The following EFCAB13 variants were observed in gnomAD, a reference collection of about 807,000 sequenced individuals.
EFCAB13 encodes EF-hand calcium-binding domain-containing protein 13.
EFCAB13 carries 91 observed loss-of-function variants against 110.2 expected under a neutral mutation model. The observed-to-expected ratio is 0.83, with a 90% CI of 0.70 to 0.98. The LOEUF is 0.98. EFCAB13 is among the 50% of genes least tolerant of loss of function. The pLI is 0.00. For synonymous variants in EFCAB13, 323 were observed against 369.9 expected (o/e 0.87, Z 1.45); for missense variants, 968 against 1,119.4 (o/e 0.86, Z 1.93).
At chr17:47,351,302 T>TGTGTGTGTGTGTGTGTGTGTGTGTGTGC (rs1555578752) in intron 9 of EFCAB13, among the ~76,000 whole-genome samples, 1 of 101,580 alleles carries the variant, frequency 9.8e-6, no homozygotes, top group Non-Finnish European at 2.4e-5. Flanking sequence ...TGTGTGTGTG[T>TGTGTGTGTGTGTGTGTGTGTGTGTGTGC]GTGCGCGCGC....
chr17:47,393,251 A>G (rs2065717941), intron 15 of EFCAB13, among the ~76,000 whole-genome samples: 1 of 152,196 alleles, frequency 6.6e-6, no homozygotes, highest in South Asian at 2.1e-4. Context: ...GGGAAAAAGT[A>G]AGAAATATGT....
chr17:47,436,618 C>T (rs1472564529), intron 24 of EFCAB13, among the ~76,000 whole-genome samples: 1 of 152,020 alleles, frequency 6.6e-6, no homozygotes, highest in African/African-American at 2.4e-5. Flanking sequence ...GTTGTAATAT[C>T]TCCTGTTTTG....
chr17:47,401,020 T>A (rs961869086), intron 17 of EFCAB13, among the ~76,000 whole-genome samples: 5 of 152,316 alleles, frequency 3.3e-5, no homozygotes, highest in African/African-American at 1.2e-4. Flanking sequence ...CTACCGTTTC[T>A]CCCATCAGAG....
At chr17:47,350,082 C>G (rs2065441145) in intron 9 of EFCAB13, among the ~76,000 whole-genome samples, 1 of 152,014 alleles carries the variant, frequency 6.6e-6, no homozygotes, top group Non-Finnish European at 1.5e-5. Flanking sequence ...CCTGATGTTT[C>G]TTATTTGGTC....
chr17:47,410,234 G>A (rs1412694522), intron 21 of EFCAB13, among the ~76,000 whole-genome samples: 1 of 152,174 alleles, frequency 6.6e-6, no homozygotes. Context: ...GAAGGCAGAA[G>A]GGCAAGAAAG....
chr17:47,393,640 T>C (rs1462353280), intron 15 of EFCAB13, among the ~76,000 whole-genome samples: 1 of 151,632 alleles, frequency 6.6e-6, no homozygotes, highest in African/African-American at 2.4e-5. Context: ...CGCTTGAACC[T>C]GGGAGGTGGA....
chr17:47,349,794 G>GTC lies in EFCAB13; in HGVS notation c.661+1846_661+1847dup, dbSNP rs1303982553. Among the ~76,000 whole-genome samples the GTC allele has an allele frequency of 1.4e-3, 165 of 119,100 alleles. 1 individual carries two copies. The highest frequency in any genetic ancestry group is 5.1e-3 in the African/African-American group (157 of 30,558). The allele number at this position is 119,100 out of a possible 152,430, so 78.1% of individuals were successfully genotyped here. A position where few individuals can be genotyped will look rare whatever the true frequency, so the allele number is the denominator to read the frequency against. ...TTTTTTTTTTTTTTTTTGAGACGGA[G>GTC]TCTCGCTCTGTCGCCCAGGCTGGAC... On this transcript the variant is annotated intron_variant, in intron 9 of 24. Coordinates refer to ENST00000331493, the MANE Select transcript of EFCAB13 (RefSeq NM_152347.5).
chr17:47,414,773 T>C lies in EFCAB13; in HGVS notation c.2423-75T>C, dbSNP rs557819155. Reference sequence around the variant, plus strand: ...AGAGTGAAATTTTAGCTAACTATTGTAAATCGGTCTTTATTTCATGTGCCA... The same window carrying C: ...AGAGTGAAATTTTAGCTAACTATTGCAAATCGGTCTTTATTTCATGTGCCA... On this transcript the variant is annotated intron_variant, in intron 22 of 24. Coordinates refer to ENST00000331493, the MANE Select transcript of EFCAB13 (RefSeq NM_152347.5). The C allele has an allele frequency of 6.5e-6, 6 of 926,868 alleles. No individual in the cohort carries two copies. In the Admixed American group the frequency reaches 7.0e-5, roughly 11 times the overall value. 57.4% of individuals were successfully genotyped at this position (926,868 alleles called of 1,614,324 possible). A position where few individuals can be genotyped will look rare whatever the true frequency, so the allele number is the denominator to read the frequency against.
chr17:47,390,116 T>C (rs7223649), intron 14 of EFCAB13, among the ~76,000 whole-genome samples: 146,620 of 152,254 alleles, frequency 0.96, 70,834 homozygotes, highest in East Asian at 1. Flanking sequence ...CTCTGCTGCC[T>C]AGCTTCCTAC....
In EFCAB13 at chr17:47,374,853, T is replaced by C. The variant is rs1197336264; in HGVS notation, c.1259T>C (p.Leu420Pro). 1.2e-6 allele frequency: 2 copies of C among 1,613,680 alleles called. No individual in the cohort carries two copies. The highest frequency in any genetic ancestry group is 3.3e-5 in the Admixed American group (2 of 59,938). ...LKSSTSLSKS[L>P]DKSDISSIPK... ...AGTAGTACAAGCCTCAGTAAGTCTCTGGATAAAAGTGATATTTCTAGTATC... is the reference window on the plus strand; with the variant it reads ...AGTAGTACAAGCCTCAGTAAGTCTCCGGATAAAAGTGATATTTCTAGTATC... The change falls in exon 12 of 25, where the codon CTG (leucine) becomes CCG (proline). Residue 420 changes from leucine (L) to proline (P), a missense_variant. Physicochemically the swap from Leu to Pro is moderately conservative, Grantham distance 98 (BLOSUM62 -3). Transcript: ENST00000331493.
At position 47,328,342 on chromosome 17, in the gene EFCAB13, C is replaced by CT; in HGVS notation, c.-11dup. On this transcript the variant is annotated 5_prime_UTR_variant, in exon 4 of 25. Transcript: ENST00000331493. ...GAGTCCTTAAGGACAGAATTTACCT[C>CT]TAAACAGAAAGATGGAAACTAAAGT... 1 of 1,605,338 alleles carries CT rather than the reference C, an allele frequency of 6.2e-7. No homozygotes were observed. The highest frequency in any genetic ancestry group is 1.7e-5 in the Admixed American group (1 of 59,702).
chr17:47,433,080 A>G (rs183474118), intron 24 of EFCAB13, among the ~76,000 whole-genome samples: 1 of 152,252 alleles, frequency 6.6e-6, no homozygotes, highest in Admixed American at 6.5e-5. Context: ...TTTAGCTGTC[A>G]TGTCTTATTA....
intron 17 of EFCAB13, among the ~76,000 whole-genome samples, chr17:47,397,669 G>A (rs563819637): frequency 4.7e-5 from 7 of 148,844 alleles, no homozygotes; most frequent in East Asian, 4.1e-4. Context: ...CCGCCGCCCC[G>A]CCTGGGATGT....
chr17:47,428,596 G>A (rs370935122), intron 23 of EFCAB13, among the ~76,000 whole-genome samples: 1 of 152,010 alleles, frequency 6.6e-6, no homozygotes, highest in African/African-American at 2.4e-5. Context: ...TATGCCCATC[G>A]CCTTTACAAC....
chr17:47,352,166 T>C (rs547442076), intron 9 of EFCAB13, among the ~76,000 whole-genome samples: 1 of 151,812 alleles, frequency 6.6e-6, no homozygotes, highest in South Asian at 2.1e-4. Flanking sequence ...CCTCCCAAAG[T>C]GCTGGGATTA....
At chr17:47,389,434 C>T (rs1403922702) in intron 14 of EFCAB13, among the ~76,000 whole-genome samples, 1 of 152,140 alleles carries the variant, frequency 6.6e-6, no homozygotes, top group African/African-American at 2.4e-5. Context: ...AAAGGTACAG[C>T]TCTTTATATT....
chr17:47,420,675 C>CA (rs1904642613), intron 23 of EFCAB13, among the ~76,000 whole-genome samples: 1 of 59,452 alleles, frequency 1.7e-5, no homozygotes. Context: ...TCTGCCCGGC[C>CA]GCCCCGTCTG....
chr17:47,347,737 T>G, intron 8 of EFCAB13, 71 bp from the exon 9 acceptor site: 6 of 1,201,800 alleles, frequency 5.0e-6, no homozygotes, highest in African/African-American at 1.6e-5. Context: ...ATTATTTTTT[T>G]GAGAGTGGGG....
At chr17:47,390,661 A>G (rs1445759992) in intron 14 of EFCAB13, among the ~76,000 whole-genome samples, 1 of 152,192 alleles carries the variant, frequency 6.6e-6, no homozygotes, top group Non-Finnish European at 1.5e-5. Flanking sequence ...GAATTTACCA[A>G]AGACTGAGCC....
Sources: gnomAD v4.1 joint callset for allele counts (sites outside exome capture counted in the v4.1 genomes callset) on GRCh38, gnomAD v4.1.1 for gene constraint, MANE v1.5 for transcripts, NCBI Gene and HGNC (gene_info 2026-07-23, HGNC 2026-07-21) for gene names.